Variants in PUDP observed in about 807,000 individuals in gnomAD.
The protein encoded by PUDP is pseudouridine 5'-phosphatase.
In PUDP, 8 loss-of-function variants were observed where a neutral mutation model predicts 9.4. The ratio of observed to expected loss-of-function variants is 0.85; its 90% CI spans 0.50 to 1.53. The LOEUF (loss-of-function observed/expected upper bound fraction) is 1.53, where lower values mean the gene tolerates loss of function less well. PUDP is among the 40% of genes most tolerant of loss of function. The pLI is 0.00. For synonymous variants in PUDP, 99 were observed against 80.7 expected (o/e 1.23, Z -1.22); for missense variants, 188 against 189.7 (o/e 0.99, Z 0.05).
intron 3 of PUDP, among the ~76,000 whole-genome samples, chrX:6,850,618 T>A (rs1431645213): frequency 8.9e-6 from 1 of 112,688 alleles, no homozygotes; most frequent in East Asian, 2.8e-4. Context: ...GAAATTTACC[T>A]TATAAACAAC....
intron 3 of PUDP, among the ~76,000 whole-genome samples, chrX:6,826,062 A>G (rs1430048437): frequency 8.9e-6 from 1 of 111,806 alleles, no homozygotes; most frequent in Non-Finnish European, 1.9e-5. Context: ...GATCTCATAT[A>G]AATTCTAAGT....
chrX:7,129,920 T>A (rs1214807882), intron 1 of PUDP, among the ~76,000 whole-genome samples: 2 of 111,661 alleles, frequency 1.8e-5, no homozygotes, highest in Non-Finnish European at 3.8e-5. Context: ...GGTATAAAAC[T>A]ACATACTAGA....
At chrX:7,070,671 G>A (rs373068583) in intron 3 of PUDP, among the ~76,000 whole-genome samples, 9 of 110,447 alleles carry the variant, frequency 8.1e-5, no homozygotes, top group Non-Finnish European at 1.5e-4. Context: ...TCTGCCTCCC[G>A]GGTTCAGGCG....
At chrX:6,870,976 T>A (rs1000001688) in intron 3 of PUDP, among the ~76,000 whole-genome samples, 2 of 112,082 alleles carry the variant, frequency 1.8e-5, no homozygotes, top group African/African-American at 6.5e-5. Flanking sequence ...TAGCTGGGAT[T>A]ACAGGCAGGC....
chrX:7,099,340 G>A (rs1272224244), intron 2 of PUDP, among the ~76,000 whole-genome samples: 1 of 111,891 alleles, frequency 8.9e-6, no homozygotes, highest in East Asian at 2.8e-4. Flanking sequence ...GTTGTAATAC[G>A]GTACCTATTT....
chrX:6,764,660 A>G (rs1417429491), intron 3 of PUDP, among the ~76,000 whole-genome samples: 1 of 111,447 alleles, frequency 9.0e-6, no homozygotes, highest in Non-Finnish European at 1.9e-5. Flanking sequence ...GTGAATCAGC[A>G]CATGATGAAT....
intron 3 of PUDP, among the ~76,000 whole-genome samples, chrX:6,954,725 G>A (rs1928601779): frequency 8.9e-6 from 1 of 112,401 alleles, no homozygotes; most frequent in South Asian, 3.7e-4. Flanking sequence ...ATACAGAAAA[G>A]AGTCTGGAAA....
chrX:6,740,456 A>C (rs113582511), intron 3 of PUDP, among the ~76,000 whole-genome samples: 5,864 of 111,261 alleles, frequency 0.053, 190 homozygotes, highest in African/African-American at 0.088. Context: ...ATTATTCCAG[A>C]TTTTTCACTT....
At chrX:7,074,541 A>G (rs775476792) in intron 3 of PUDP, among the ~76,000 whole-genome samples, 1 of 112,475 alleles carries the variant, frequency 8.9e-6, no homozygotes, top group Non-Finnish European at 1.9e-5. Context: ...TGTCTTTATC[A>G]GTTTGTAAAT....
At chrX:7,059,965 C>A (rs1441796734) in intron 3 of PUDP, among the ~76,000 whole-genome samples, 1 of 111,779 alleles carries the variant, frequency 8.9e-6, no homozygotes, top group African/African-American at 3.3e-5. Flanking sequence ...TTCATTGGAC[C>A]TGGAGGGGAT....
chrX:7,019,797 T>C (rs188802313), intron 1 of PUDP, among the ~76,000 whole-genome samples: 22 of 111,578 alleles, frequency 2.0e-4, no homozygotes, highest in Admixed American at 1.7e-3. Flanking sequence ...CAGGATAGTA[T>C]ATTTGTTTGA....
intron 3 of PUDP, among the ~76,000 whole-genome samples, chrX:6,826,282 T>C (rs1926421577): frequency 8.9e-6 from 1 of 112,215 alleles, no homozygotes; most frequent in Non-Finnish European, 1.9e-5. Context: ...TGCATAACTG[T>C]AACAAATGTA....
chrX:7,013,557 T>C lies in PUDP; in HGVS notation c.205-35214A>G, dbSNP rs771826152. 3.6e-5 allele frequency among the ~76,000 whole-genome samples: 4 copies of C among 111,925 alleles called. No homozygotes were observed. In the South Asian group the frequency reaches 1.5e-3, roughly 42 times the overall value. ...TGAGCTAAAACTGATTAAAACAGAG[T>C]GCTGGCCCTGGTATGTAAGCTCTAA... On this transcript the variant is annotated intron_variant and NMD_transcript_variant, in intron 1 of 3. Transcript: ENST00000655425.
intron 1 of PUDP, among the ~76,000 whole-genome samples, chrX:7,003,439 T>C: frequency 9.0e-6 from 1 of 111,303 alleles, no homozygotes; most frequent in African/African-American, 3.3e-5. Flanking sequence ...TCCCTGATCA[T>C]TTTTGCAAGT....
At position 7,111,624 on chromosome X, in the gene PUDP, ACT is replaced by A. The variant is rs1932053510; in HGVS notation, c.62-5788_62-5787del. On this transcript the variant is annotated intron_variant, in intron 1 of 3. Transcript: ENST00000381077. Reference sequence around the variant, plus strand: ...CAACTCTGCAGCTTTCTAGCCGGAAACTCTGGAAGCTAGCAGCCTTGGGTAAA... The same window carrying A: ...CAACTCTGCAGCTTTCTAGCCGGAAACTGGAAGCTAGCAGCCTTGGGTAAA... Among the ~76,000 whole-genome samples, 6 of 111,048 alleles carry A rather than the reference ACT, an allele frequency of 5.4e-5. No individual in the cohort carries two copies. The South Asian group carries it at 2.3e-3, about 43-fold the overall frequency.
chrX:7,071,263 C>G (rs1282047983), intron 3 of PUDP, among the ~76,000 whole-genome samples: 3 of 111,222 alleles, frequency 2.7e-5, no homozygotes, highest in Non-Finnish European at 5.7e-5. Context: ...TTTGACATTA[C>G]TTATTTTTTT....
intron 1 of PUDP, among the ~76,000 whole-genome samples, chrX:7,042,896 A>G (rs759001700): frequency 1.8e-5 from 2 of 111,353 alleles, no homozygotes; most frequent in Non-Finnish European, 3.8e-5. Flanking sequence ...CAGACCTTTA[A>G]GTGAGCAGTG....
At chrX:6,766,474 T>A (rs1398165527) in intron 3 of PUDP, among the ~76,000 whole-genome samples, 1 of 111,868 alleles carries the variant, frequency 8.9e-6, no homozygotes, top group East Asian at 2.8e-4. Flanking sequence ...AGGGAAGTGA[T>A]GTTTTTACAT....
chrX:6,750,040 G>T lies in PUDP; in HGVS notation c.*248-43574C>A, dbSNP rs1050250625. Among the ~76,000 whole-genome samples, 3 of 111,986 alleles carry T rather than the reference G, an allele frequency of 2.7e-5. No homozygotes were observed. In the Admixed American group the frequency reaches 2.8e-4, roughly 11 times the overall value. ...AAATGGAACGTATTTGGGGAGATGA[G>T]AATACAATAAGGGGATGGATGGTAC... On this transcript the variant is annotated intron_variant and NMD_transcript_variant, in intron 3 of 3. Coordinates refer to the PUDP transcript ENST00000655425.
Sources: allele counts gnomAD v4.1 joint callset (sites outside exome capture counted in the v4.1 genomes callset), GRCh38; gene constraint gnomAD v4.1.1; transcripts MANE v1.5; gene names NCBI Gene and HGNC (gene_info 2026-07-23, HGNC 2026-07-21).